Variants in RTF2 observed in about 807,000 individuals in gnomAD.
RTF2 encodes the protein replication termination factor 2.
Under a neutral mutation model 38.0 loss-of-function variants are expected in RTF2, and 18 were observed. The observed-to-expected ratio is 0.47, with a 90% confidence interval of 0.33 to 0.70. The LOEUF (loss-of-function observed/expected upper bound fraction) is 0.70, where lower values mean the gene tolerates loss of function less well. Ranked by LOEUF, RTF2 falls within the 30% of genes least tolerant of loss-of-function variation. RTF2 has a pLI of 0.02. For missense variants in RTF2, 311 were observed against 379.6 expected, an observed-to-expected ratio of 0.82 and a Z score of 1.50; for synonymous variants, 126 against 137.1, an observed-to-expected ratio of 0.92 and a Z score of 0.57.
chr20:56,501,341 G>C (rs1352349204), intron 5 of RTF2, among the ~76,000 whole-genome samples: 3 of 152,072 alleles, frequency 2.0e-5, no homozygotes, highest in Non-Finnish European at 2.9e-5. Context: ...AATAATGAAG[G>C]TTTAGTTACT....
Position 56,518,205 on chromosome 20 carries a change from C to T in RTF2, c.861C>T (p.Ser287=), listed in dbSNP as rs767259244. 3.0e-5 allele frequency: 48 copies of T among 1,614,068 alleles called. No individual in the cohort carries two copies. In the Admixed American group the frequency reaches 5.3e-4, roughly 18 times the overall value. Residue 287 remains serine, a synonymous_variant, in exon 9 of 9, where the codon TCC becomes TCT. Coordinates refer to ENST00000357348, the MANE Select transcript of RTF2 (RefSeq NM_016407.5). ...AYKSLFTTHS[S]AKRSKEESAH... ...AGTCCCTCTTTACCACTCACAGCTC[C>T]GCCAAGCGCTCCAAGGAGGAGTCTG...
Position 56,484,605 on chromosome 20 carries a change from C to T in RTF2, c.477+416C>T, listed in dbSNP as rs138797851. ...CGTATGTATGTGTCTGCTTCCCCACCGGACTTAGTTTTTGAGGGTAGGAAA... is the reference window on the plus strand; with the variant it reads ...CGTATGTATGTGTCTGCTTCCCCACTGGACTTAGTTTTTGAGGGTAGGAAA... On this transcript the variant is annotated intron_variant, in intron 5 of 8. Transcript: ENST00000357348. 4.6e-5 allele frequency among the ~76,000 whole-genome samples: 7 copies of T among 152,334 alleles called. No homozygotes were observed. The South Asian group carries it at 6.2e-4, about 14-fold the overall frequency.
chr20:56,518,441 A>AG lies in RTF2; in HGVS notation c.*182dup. ...TCTTGATGTGAGGCGTGTCGGTTCCAGGGGGGACATGGGAGGGGCTGCACA... is the reference window on the plus strand; with the variant it reads ...TCTTGATGTGAGGCGTGTCGGTTCCAGGGGGGGACATGGGAGGGGCTGCACA... On this transcript the variant is annotated 3_prime_UTR_variant, in exon 9 of 9. Transcript: ENST00000357348. The AG allele has an allele frequency of 3.4e-6, 2 of 592,830 alleles. No homozygotes were observed. Among genetic ancestry groups the AG allele is most frequent in the South Asian group, 2.6e-5 (1 of 38,456 alleles). The allele number at this position is 592,830 out of a possible 1,614,324, so 36.7% of individuals were successfully genotyped here. A position where few individuals can be genotyped will look rare whatever the true frequency, so the allele number is the denominator to read the frequency against.
chr20:56,484,027 G>T, intron 4 of RTF2, 84 bp from the exon 5 acceptor site: 1 of 1,141,698 alleles, frequency 8.8e-7, no homozygotes, highest in South Asian at 1.3e-5. Flanking sequence ...AATCTTTGTG[G>T]TTCTTGGCCT....
intron 5 of RTF2, among the ~76,000 whole-genome samples, chr20:56,502,978 C>T (rs1984017819): frequency 6.6e-6 from 1 of 152,170 alleles, no homozygotes; most frequent in Non-Finnish European, 1.5e-5. Flanking sequence ...CTCACAGGGA[C>T]ACTGGGAGGA....
intron 4 of RTF2, among the ~76,000 whole-genome samples, chr20:56,480,217 T>A (rs1982462883): frequency 6.6e-6 from 1 of 152,244 alleles, no homozygotes; most frequent in Non-Finnish European, 1.5e-5. Context: ...TAATGCAGCT[T>A]CTCCATCAGC....
At chr20:56,508,061 T>A (rs1384915603) in intron 5 of RTF2, among the ~76,000 whole-genome samples, 2 of 152,184 alleles carry the variant, frequency 1.3e-5, no homozygotes. Flanking sequence ...GTCATTCATA[T>A]AACTTCTCTA....
chr20:56,482,404 C>T (rs147218592), intron 4 of RTF2, among the ~76,000 whole-genome samples: 1,969 of 152,282 alleles, frequency 0.013, 55 homozygotes, highest in African/African-American at 0.045. Flanking sequence ...ACAAAAAAGT[C>T]TGTGCATGTT....
Position 56,491,384 on chromosome 20 carries a change from C to T in RTF2, c.477+7195C>T, listed in dbSNP as rs1395875573. ...TTTTTTTGTCTTGTGATTTCTTTCCCAAAGCTATAAAAGTGGCCTGTAATC... is the reference window on the plus strand; with the variant it reads ...TTTTTTTGTCTTGTGATTTCTTTCCTAAAGCTATAAAAGTGGCCTGTAATC... On this transcript the variant is annotated intron_variant, in intron 5 of 8. Transcript: ENST00000357348. 8.4e-6 allele frequency: 5 copies of T among 595,654 alleles called. No homozygotes were observed. In the East Asian group the frequency reaches 1.1e-4, roughly 14 times the overall value. 36.9% of individuals were successfully genotyped at this position (595,654 alleles called of 1,614,324 possible). A position where few individuals can be genotyped will look rare whatever the true frequency, so the allele number is the denominator to read the frequency against.
At chr20:56,498,566 A>G (rs1983711727) in intron 5 of RTF2, among the ~76,000 whole-genome samples, 1 of 152,308 alleles carries the variant, frequency 6.6e-6, no homozygotes, top group African/African-American at 2.4e-5. Flanking sequence ...ATCTTTATCT[A>G]ATAACATTAT....
chr20:56,506,554 C>T (rs973257687), intron 5 of RTF2, among the ~76,000 whole-genome samples: 1 of 152,052 alleles, frequency 6.6e-6, no homozygotes, highest in Admixed American at 6.6e-5. Context: ...CCCTACTGGC[C>T]TTTTTAAAAA....
At chr20:56,484,742 A>G (rs898378564) in intron 5 of RTF2, among the ~76,000 whole-genome samples, 3 of 152,236 alleles carry the variant, frequency 2.0e-5, no homozygotes, top group African/African-American at 7.2e-5. Flanking sequence ...AGCTAGCCTC[A>G]GCTCACGTGG....
chr20:56,486,671 A>AT (rs1253920894), intron 5 of RTF2, among the ~76,000 whole-genome samples: 13 of 152,168 alleles, frequency 8.5e-5, no homozygotes, highest in African/African-American at 2.4e-4. Flanking sequence ...AAATAAATAA[A>AT]AAATAAAGTT....
At chr20:56,491,878 G>C in intron 5 of RTF2, 1 of 844,514 alleles carries the variant, frequency 1.2e-6, no homozygotes, top group South Asian at 1.6e-5. Context: ...GGTGTCAGTG[G>C]TGAGCCTCAG....
chr20:56,504,583 G>T (rs1568707500), intron 5 of RTF2, among the ~76,000 whole-genome samples: 3 of 152,214 alleles, frequency 2.0e-5, no homozygotes, highest in Admixed American at 2.0e-4. Flanking sequence ...CCAAGGGTGA[G>T]TCTGCGCCAT....
Position 56,513,365 on chromosome 20 carries a change from G to C in RTF2, c.528G>C (p.Lys176Asn), listed in dbSNP as rs979607332. ...ATGTCATCATGCTCAATGGCACCAA[G>C]GAGGATGTGGACGTGCTGAAGACAA... Reference protein sequence around the residue: ...EDDVIMLNGTKEDVDVLKTRM... With the variant: ...EDDVIMLNGTNEDVDVLKTRM... Residue 176 changes from lysine to asparagine, a missense_variant, in exon 6 of 9, where the codon AAG becomes AAC. By Grantham distance (94) the Lys-to-Asn change is moderately conservative. Coordinates refer to ENST00000357348, the MANE Select transcript of RTF2 (RefSeq NM_016407.5). 1 of 1,609,176 alleles carries C rather than the reference G, an allele frequency of 6.2e-7. No homozygotes were observed. The highest frequency in any genetic ancestry group is 8.5e-7 in the Non-Finnish European group (1 of 1,178,174).
At chr20:56,476,846 T>C (rs1032230827) in intron 3 of RTF2, 139 bp from the exon 4 acceptor site, 32 of 770,128 alleles carry the variant, frequency 4.2e-5, no homozygotes, top group Non-Finnish European at 6.6e-5. Flanking sequence ...CCATGTTTCT[T>C]ATGGACCAGA....
chr20:56,514,118 CTT>C (rs1009446105), intron 6 of RTF2: 1 of 152,126 alleles, frequency 6.6e-6, no homozygotes. Flanking sequence ...GAGGGAGGGT[CTT>C]TTATGGAGCG....
chr20:56,509,018 A>G (rs1984462221), intron 5 of RTF2, among the ~76,000 whole-genome samples: 1 of 152,222 alleles, frequency 6.6e-6, no homozygotes, highest in African/African-American at 2.4e-5. Context: ...TGCTAAGTCC[A>G]ATTTCATCAA....
Sources: gnomAD v4.1 joint callset for allele counts (sites outside exome capture counted in the v4.1 genomes callset) on GRCh38, gnomAD v4.1.1 for gene constraint, MANE v1.5 for transcripts, NCBI Gene and HGNC (gene_info 2026-07-23, HGNC 2026-07-21) for gene names.